TRIO: variants seen among roughly 807,000 people sequenced by gnomAD.
The protein encoded by TRIO is triple functional domain protein.
A neutral mutation model predicts 351.9 loss-of-function variants in TRIO; 58 were observed. The ratio of observed to expected loss-of-function variants is 0.16; its 90% CI spans 0.13 to 0.21. The LOEUF (loss-of-function observed/expected upper bound fraction) is 0.21. Ranked by LOEUF, TRIO falls within the 10% of genes least tolerant of loss-of-function variation. TRIO has a pLI of 1.00. For synonymous variants in TRIO, 1,758 were observed against 1,595.7 expected (o/e 1.10, Z -2.42); for missense variants, 3,201 against 4,027.8 (o/e 0.79, Z 5.56).
intron 21 of TRIO, among the ~76,000 whole-genome samples, chr5:14,381,894 A>G (rs1268870369): frequency 6.6e-6 from 1 of 152,248 alleles, no homozygotes; most frequent in Non-Finnish European, 1.5e-5. Flanking sequence ...TTTTGAGGAA[A>G]AATATAAGAA....
chr5:14,461,340 G>C, intron 35 of TRIO, 29 bp downstream of exon 35: 1 of 1,496,094 alleles, frequency 6.7e-7, no homozygotes, highest in Non-Finnish European at 8.9e-7. Flanking sequence ...GTTGGGGCCG[G>C]CGTGGCGGGG....
chr5:14,144,640 G>A (rs891527410), intron 1 of TRIO, among the ~76,000 whole-genome samples: 2 of 152,070 alleles, frequency 1.3e-5, no homozygotes, highest in African/African-American at 4.8e-5. Flanking sequence ...CGTGGAGGTG[G>A]AGGCGGTGCC....
At chr5:14,187,379 A>G (rs1375012670) in intron 1 of TRIO, among the ~76,000 whole-genome samples, 1 of 152,176 alleles carries the variant, frequency 6.6e-6, no homozygotes, top group Non-Finnish European at 1.5e-5. Flanking sequence ...GGGACTCTTA[A>G]GGTACAGAGA....
rs545826048 is a variant in TRIO, at chr5:14,498,070, C to G, written c.8048-19C>G. On this transcript the variant is annotated intron_variant, in intron 51 of 56. Coordinates refer to ENST00000344204, the MANE Select transcript of TRIO (RefSeq NM_007118.4). ...GGAGCCAGGGCTGATGGGCCTTTACCGACTCCTTTCCCATGCAGTTCCCCC... is the reference window on the plus strand; with the variant it reads ...GGAGCCAGGGCTGATGGGCCTTTACGGACTCCTTTCCCATGCAGTTCCCCC... The G allele has an allele frequency of 3.1e-6, 5 of 1,613,806 alleles. No homozygotes were observed. Among genetic ancestry groups the G allele is most frequent in the African/African-American group, 2.7e-5 (2 of 74,868 alleles).
intron 1 of TRIO, among the ~76,000 whole-genome samples, chr5:14,236,916 A>G (rs543982617): frequency 2.0e-5 from 3 of 152,172 alleles, no homozygotes; most frequent in African/African-American, 7.2e-5. Flanking sequence ...CTATGAAACA[A>G]CCTGTTTTTA....
chr5:14,398,127 T>C (rs961294630), intron 29 of TRIO, among the ~76,000 whole-genome samples: 10 of 152,276 alleles, frequency 6.6e-5, no homozygotes, highest in Non-Finnish European at 1.3e-4. Context: ...GGAGTGCTTA[T>C]TTTGAGCAGC....
At chr5:14,423,885 C>T (rs570594271) in intron 34 of TRIO, among the ~76,000 whole-genome samples, 2 of 149,686 alleles carry the variant, frequency 1.3e-5, no homozygotes, top group East Asian at 2.0e-4. Flanking sequence ...CTTTGCCATT[C>T]GAAGTTGAAT....
intron 1 of TRIO, among the ~76,000 whole-genome samples, chr5:14,230,035 G>A (rs1020492855): frequency 2.0e-5 from 3 of 152,204 alleles, no homozygotes; most frequent in African/African-American, 7.2e-5. Context: ...TCCAGAAGTT[G>A]TAACGTTTGC....
intron 34 of TRIO, among the ~76,000 whole-genome samples, chr5:14,431,663 G>T (rs976034330): frequency 6.6e-5 from 10 of 152,150 alleles, no homozygotes; most frequent in Non-Finnish European, 1.5e-4. Context: ...CCTGTATCAT[G>T]GAGAAGATTA....
chr5:14,440,011 G>A (rs1371923539), intron 34 of TRIO, among the ~76,000 whole-genome samples: 1 of 152,142 alleles, frequency 6.6e-6, no homozygotes, highest in East Asian at 1.9e-4. Context: ...TGCAACAAAT[G>A]TGGAGGTGGG....
intron 53 of TRIO, among the ~76,000 whole-genome samples, chr5:14,500,909 A>C (rs1380238299): frequency 1.3e-5 from 2 of 151,158 alleles, no homozygotes; most frequent in Admixed American, 1.3e-4. Context: ...AAAAAAAAAA[A>C]AAAACACACA....
intron 1 of TRIO, among the ~76,000 whole-genome samples, chr5:14,192,253 CCTT>C (rs1277113274): frequency 3.3e-4 from 49 of 150,002 alleles, no homozygotes; most frequent in Middle Eastern, 3.4e-3. Flanking sequence ...CCTTTTTTTT[CCTT>C]CTTCTTTTTT....
intron 2 of TRIO, among the ~76,000 whole-genome samples, chr5:14,277,210 T>G (rs761300970): frequency 3.9e-5 from 6 of 152,202 alleles, no homozygotes; most frequent in Non-Finnish European, 7.3e-5. Context: ...AAAAAGAATA[T>G]GTAAATTGTA....
At chr5:14,456,088 C>T (rs1211249636) in intron 34 of TRIO, among the ~76,000 whole-genome samples, 1 of 152,254 alleles carries the variant, frequency 6.6e-6, no homozygotes, top group Non-Finnish European at 1.5e-5. Flanking sequence ...GGACCCGGCA[C>T]ACCCTCTGCA....
intron 33 of TRIO, among the ~76,000 whole-genome samples, chr5:14,409,543 G>C (rs1387144848): frequency 6.6e-6 from 1 of 152,116 alleles, no homozygotes; most frequent in Non-Finnish European, 1.5e-5. Flanking sequence ...AGAAATCCCT[G>C]AAGGGTCGGC....
chr5:14,323,332 T>C (rs1264864235), intron 9 of TRIO, among the ~76,000 whole-genome samples: 1 of 152,058 alleles, frequency 6.6e-6, no homozygotes, highest in Non-Finnish European at 1.5e-5. Context: ...ACCGAGAACC[T>C]CTTGGTGTTT....
intron 31 of TRIO, among the ~76,000 whole-genome samples, chr5:14,401,739 T>C (rs770011477): frequency 3.9e-5 from 6 of 152,208 alleles, no homozygotes; most frequent in Non-Finnish European, 5.9e-5. Context: ...TTATGTATTT[T>C]CCTCCTCTGT....
At chr5:14,466,426 G>C (rs934874242) in intron 37 of TRIO, 2 of 152,228 alleles carry the variant, frequency 1.3e-5, no homozygotes, top group African/African-American at 4.8e-5. Flanking sequence ...TTTGTTGCCA[G>C]TTGGCCAACG....
chr5:14,313,328 A>G (rs576521435), intron 8 of TRIO, among the ~76,000 whole-genome samples: 2 of 152,344 alleles, frequency 1.3e-5, no homozygotes, highest in South Asian at 2.1e-4. Context: ...CTCCACCGCC[A>G]TGAGCAAGTG....
Sources: gnomAD v4.1 joint callset for allele counts (sites outside exome capture counted in the v4.1 genomes callset) on GRCh38, gnomAD v4.1.1 for gene constraint, MANE v1.5 for transcripts, NCBI Gene and HGNC (gene_info 2026-07-23, HGNC 2026-07-21) for gene names.